ZNF596: variants seen among roughly 807,000 people sequenced by gnomAD.
ZNF596 encodes the protein zinc finger protein 596.
ZNF596 carries 45 observed loss-of-function variants against 48.3 expected under a neutral mutation model. The observed-to-expected ratio is 0.93, with a 90% CI of 0.73 to 1.19. ZNF596 has a LOEUF of 1.19. Ranked by LOEUF, ZNF596 falls within the 50% of genes most tolerant of loss-of-function variation. The probability of loss-of-function intolerance (pLI) is 0.00; values close to 1 mark genes in which losing one functional copy is unlikely to be tolerated. For missense variants in ZNF596, 848 were observed against 599.7 expected (o/e 1.41, Z -4.32); for synonymous variants, 270 against 202.0 (o/e 1.34, Z -2.85).
intron 1 of ZNF596, among the ~76,000 whole-genome samples, chr8:239,593 A>G (rs564722251): frequency 3.9e-5 from 6 of 152,314 alleles, no homozygotes; most frequent in Admixed American, 2.0e-4. Context: ...GACATTTTAA[A>G]TATTACATAT....
At chr8:235,479 T>G (rs1223868197) in intron 1 of ZNF596, among the ~76,000 whole-genome samples, 6 of 144,924 alleles carry the variant, frequency 4.1e-5, no homozygotes, top group South Asian at 2.2e-4. Context: ...TGTATGTATG[T>G]TTTTTTTTTT....
At chr8:243,166 T>C in intron 3 of ZNF596, 153 bp downstream of exon 3, 1 of 564,948 alleles carries the variant, frequency 1.8e-6, no homozygotes, top group East Asian at 3.4e-5. Flanking sequence ...CTCTCACAAT[T>C]ACCTGACAGC....
At chr8:236,156 A>G (rs1443587810) in intron 1 of ZNF596, among the ~76,000 whole-genome samples, 6 of 152,198 alleles carry the variant, frequency 3.9e-5, no homozygotes, top group South Asian at 4.1e-4. Flanking sequence ...CTACAAATTT[A>G]TTTCAAATCG....
Position 243,747 on chromosome 8 carries a change from G to A in ZNF596, c.165G>A (p.Val55=). The part of the protein sequence containing the change: ...SIGKQLCKSV[V]LSQLEQVEKL... ...GCAAACAGCTCTGCAAATCAGTTGTGCTTTCCCAATTGGAGCAAGTAGAGA... is the reference window on the plus strand; with the variant it reads ...GCAAACAGCTCTGCAAATCAGTTGTACTTTCCCAATTGGAGCAAGTAGAGA... The change falls in exon 4 of 6, where the codon GTG becomes GTA. Residue 55 remains valine, a synonymous_variant. Transcript: ENST00000398612. The A allele has an allele frequency of 6.2e-7, 1 of 1,613,722 alleles. No homozygotes were observed. Among genetic ancestry groups the A allele is most frequent in the East Asian group, 2.2e-5 (1 of 44,868 alleles).
chr8:244,738 A>G (rs200469678), intron 5 of ZNF596, 37 bp downstream of exon 5: 3 of 1,549,560 alleles, frequency 1.9e-6, no homozygotes, highest in South Asian at 1.2e-5. Context: ...TCTTACATAT[A>G]GAAACCTGGA....
At chr8:243,691 C>A in intron 3 of ZNF596, 31 bp from the exon 4 acceptor site, 1 of 1,609,730 alleles carries the variant, frequency 6.2e-7, no homozygotes, top group South Asian at 1.1e-5. Flanking sequence ...GCACAGAACT[C>A]AAAATCCATG....
chr8:240,794 TTTTTTGTTTTTG>T lies in ZNF596; in HGVS notation c.-72-17_-72-6del, dbSNP rs927071216. 3 of 1,480,156 alleles carry T rather than the reference TTTTTTGTTTTTG, an allele frequency of 2.0e-6. No individual in the cohort carries two copies. Among genetic ancestry groups the T allele is most frequent in the African/African-American group, 2.8e-5 (2 of 71,962 alleles). The allele number at this position is 1,480,156 out of a possible 1,614,324, so 91.7% of individuals were successfully genotyped here. On this transcript the variant is annotated intron_variant, in intron 1 of 5. Coordinates refer to ENST00000398612, the MANE Select transcript of ZNF596 (RefSeq NM_001042416.3). ...AGAAGCAAAACTGGAGTGTCATGGT[TTTTTTGTTTTTG>T]TTTTTGTTTTTGCTCAGATTTGTCT...
At chr8:235,112 A>G (rs1220149589) in intron 1 of ZNF596, among the ~76,000 whole-genome samples, 2 of 152,248 alleles carry the variant, frequency 1.3e-5, no homozygotes, top group Admixed American at 6.5e-5. Context: ...GCTTTGACAA[A>G]TTAAGGTAGC....
intron 3 of ZNF596, 49 bp downstream of exon 3, chr8:243,062 C>A: frequency 6.5e-7 from 1 of 1,528,178 alleles, no homozygotes; most frequent in Non-Finnish European, 8.9e-7. Context: ...TTCATTCACT[C>A]ACTCATTTTT....
Position 243,823 on chromosome 8 carries a change from G to C in ZNF596, c.223+18G>C, listed in dbSNP as rs1187825379. On this transcript the variant is annotated intron_variant, in intron 4 of 5. Coordinates refer to ENST00000398612, the MANE Select transcript of ZNF596 (RefSeq NM_001042416.3). ...ACTGCAAGGTGAGCTCTAAGAAGCA[G>C]TGCTTCAATAGGAGGAGGAGAAACA... 6.2e-7 allele frequency: 1 copy of C among 1,606,880 alleles called. No homozygotes were observed. Among genetic ancestry groups the C allele is most frequent in the Admixed American group, 1.7e-5 (1 of 59,906 alleles).
At position 232,682 on chromosome 8, in the gene ZNF596, C is replaced by A. The variant is rs1796454326; in HGVS notation, c.-85C>A. On this transcript the variant is annotated 5_prime_UTR_variant, in exon 1 of 6. Coordinates refer to ENST00000398612, the MANE Select transcript of ZNF596 (RefSeq NM_001042416.3). ...TCTTCACCGTCCGCCCATCCTATCG[C>A]GCGCGGCCTCAGGTCCCGATTCGGC... The A allele has an allele frequency of 2.6e-6, 1 of 380,046 alleles. No individual in the cohort carries two copies. The highest frequency in any genetic ancestry group is 5.4e-6 in the Non-Finnish European group (1 of 185,884). The allele number at this position is 380,046 out of a possible 1,614,324, so 23.5% of individuals were successfully genotyped here.
chr8:234,913 G>C (rs1796561124), intron 1 of ZNF596: 1 of 152,172 alleles, frequency 6.6e-6, no homozygotes, highest in South Asian at 2.1e-4. Flanking sequence ...CATGATTAGA[G>C]AAACTGTGCA....
chr8:234,604 A>G (rs984331284), intron 1 of ZNF596: 1 of 152,194 alleles, frequency 6.6e-6, no homozygotes, highest in Non-Finnish European at 1.5e-5. Flanking sequence ...GGAAAAAGTC[A>G]TGTTATTCAT....
intron 1 of ZNF596, among the ~76,000 whole-genome samples, chr8:235,407 C>G (rs1796579028): frequency 6.6e-6 from 1 of 151,614 alleles, no homozygotes; most frequent in African/African-American, 2.4e-5. Flanking sequence ...AGCCCACAAA[C>G]TGTATAGATA....
intron 2 of ZNF596, 72 bp downstream of exon 2, chr8:240,979 T>C: frequency 1.9e-6 from 3 of 1,570,228 alleles, no homozygotes; most frequent in Non-Finnish European, 2.6e-6. Flanking sequence ...TTCATCCTAT[T>C]AACATGGATG....
intron 2 of ZNF596, among the ~76,000 whole-genome samples, chr8:242,483 T>C (rs1305650843): frequency 6.7e-6 from 1 of 148,974 alleles, no homozygotes; most frequent in African/African-American, 2.6e-5. Flanking sequence ...TATCTAACTA[T>C]AGTCTTGATT....
intron 1 of ZNF596, chr8:237,519 G>A (rs1358040706): frequency 6.6e-6 from 1 of 152,046 alleles, no homozygotes; most frequent in Non-Finnish European, 1.5e-5. Context: ...AATGTAATTG[G>A]AATACCCCTT....
chr8:245,338 G>A lies in ZNF596; in HGVS notation c.491G>A (p.Cys164Tyr), dbSNP rs111707578. The change falls in exon 6 of 6, where the codon TGT becomes TAT. Residue 164 changes from cysteine (C) to tyrosine (Y), a missense_variant. Transcript: ENST00000398612. Reference sequence around the variant, plus strand: ...CAACACAAGGAAATTCACACCAAATGTAAATCATATGGAAGTCATCTATTT... The same window carrying A: ...CAACACAAGGAAATTCACACCAAATATAAATCATATGGAAGTCATCTATTT... Reference protein sequence around the residue: ...FNQHKEIHTKCKSYGSHLFDY... With the variant: ...FNQHKEIHTKYKSYGSHLFDY... 6,587 of 1,614,094 alleles carry A rather than the reference G, an allele frequency of 4.1e-3. 27 individuals carry two copies. Among genetic ancestry groups the A allele is most frequent in the Non-Finnish European group, 4.3e-3 (5,071 of 1,179,990 alleles).
chr8:244,988 A>T (rs1296057277), intron 5 of ZNF596, among the ~76,000 whole-genome samples, 166 bp from the exon 6 acceptor site: 1 of 152,260 alleles, frequency 6.6e-6, no homozygotes. Context: ...AACTCTCTAC[A>T]TGCAGTTAGA....
Sources: allele counts gnomAD v4.1 joint callset (sites outside exome capture counted in the v4.1 genomes callset), GRCh38; gene constraint gnomAD v4.1.1; transcripts MANE v1.5; gene names NCBI Gene and HGNC (gene_info 2026-07-23, HGNC 2026-07-21).